Variants in DUSP22 observed in about 807,000 individuals in gnomAD.
The protein encoded by DUSP22 is dual specificity protein phosphatase 22.
DUSP22 carries 24 observed loss-of-function variants against 24.5 expected under a neutral mutation model. The ratio of observed to expected loss-of-function variants is 0.98; its 90% confidence interval spans 0.71 to 1.38. The LOEUF (loss-of-function observed/expected upper bound fraction) is 1.38, where lower values mean the gene tolerates loss of function less well. DUSP22 is among the 40% of genes most tolerant of loss of function. DUSP22 has a pLI of 0.00. For missense variants in DUSP22, 330 were observed against 269.2 expected, an observed-to-expected ratio of 1.23 and a Z score of -1.58; for synonymous variants, 160 against 106.4, an observed-to-expected ratio of 1.50 and a Z score of -3.10.
At chr6:340,431 C>T (rs188294707) in intron 4 of DUSP22, among the ~76,000 whole-genome samples, 389 of 152,260 alleles carry the variant, frequency 2.6e-3, no homozygotes, top group Non-Finnish European at 4.0e-3. Context: ...CAGATTTCTG[C>T]CCGAAGAGGA....
At chr6:302,621 G>T (rs1194142968) in intron 1 of DUSP22, among the ~76,000 whole-genome samples, 1 of 152,306 alleles carries the variant, frequency 6.6e-6, no homozygotes, top group African/African-American at 2.4e-5. Flanking sequence ...GCCCGGCATT[G>T]TGCCTGAGGA....
intron 2 of DUSP22, among the ~76,000 whole-genome samples, chr6:309,308 G>A (rs1175108885): frequency 1.3e-5 from 2 of 152,302 alleles, no homozygotes; most frequent in Non-Finnish European, 2.9e-5. Flanking sequence ...AAGGGCTCAT[G>A]TTCCTCGTAT....
chr6:295,660 T>C (rs1334658067), intron 1 of DUSP22, among the ~76,000 whole-genome samples: 10 of 152,024 alleles, frequency 6.6e-5, no homozygotes, highest in African/African-American at 1.9e-4. Flanking sequence ...CAGCCGAGTG[T>C]GTGGTGGCTT....
intron 3 of DUSP22, among the ~76,000 whole-genome samples, chr6:325,008 G>A (rs1486112842): frequency 1.3e-5 from 2 of 152,312 alleles, no homozygotes; most frequent in African/African-American, 4.8e-5. Flanking sequence ...GGCTCAGGGA[G>A]ATAGGTACAG....
chr6:315,703 C>G (rs1019945724), intron 3 of DUSP22, among the ~76,000 whole-genome samples: 2 of 152,304 alleles, frequency 1.3e-5, no homozygotes, highest in African/African-American at 4.8e-5. Flanking sequence ...TGCAAATACC[C>G]TCTTCACACA....
At chr6:330,538 G>T (rs1469607107) in intron 3 of DUSP22, among the ~76,000 whole-genome samples, 1 of 152,296 alleles carries the variant, frequency 6.6e-6, no homozygotes, top group Non-Finnish European at 1.5e-5. Context: ...CAGAACCTTG[G>T]CCCTGCTTTT....
chr6:327,665 G>A (rs1299801453), intron 3 of DUSP22, among the ~76,000 whole-genome samples: 4 of 152,300 alleles, frequency 2.6e-5, no homozygotes, highest in Admixed American at 6.5e-5. Context: ...GGGGCCCAGC[G>A]TGGGGCTGAA....
chr6:293,388 G>A (rs1291316277), intron 1 of DUSP22, among the ~76,000 whole-genome samples: 2 of 152,286 alleles, frequency 1.3e-5, no homozygotes, highest in African/African-American at 4.8e-5. Flanking sequence ...TACTTGGCTG[G>A]TTTCGAGGAA....
intron 4 of DUSP22, among the ~76,000 whole-genome samples, chr6:338,608 C>T (rs1255149725): frequency 1.3e-5 from 2 of 152,292 alleles, no homozygotes; most frequent in Non-Finnish European, 2.9e-5. Context: ...CTGTGTTCTG[C>T]AGGACCTAAA....
At chr6:321,556 A>T (rs1334241410) in intron 3 of DUSP22, among the ~76,000 whole-genome samples, 1 of 152,304 alleles carries the variant, frequency 6.6e-6, no homozygotes, top group African/African-American at 2.4e-5. Context: ...GTCAGATTTG[A>T]TCTGAAAATC....
At chr6:338,852 G>A (rs1282319377) in intron 4 of DUSP22, among the ~76,000 whole-genome samples, 1 of 152,308 alleles carries the variant, frequency 6.6e-6, no homozygotes, top group Non-Finnish European at 1.5e-5. Context: ...AGTAAGAGAT[G>A]TGTGACCTTT....
In DUSP22 at chr6:350,593, C is replaced by T. The variant is rs58554953; in HGVS notation, c.*1642C>T. On this transcript the variant is annotated 3_prime_UTR_variant, in exon 7 of 7. Transcript: ENST00000419235. ...GGTGCACAGGCCCCGGATGTACACCCGGAAAGGGGAGTGTGGCTGTAGAAT... is the reference window on the plus strand; with the variant it reads ...GGTGCACAGGCCCCGGATGTACACCTGGAAAGGGGAGTGTGGCTGTAGAAT... 192 of 1,426,188 alleles carry T rather than the reference C, an allele frequency of 1.3e-4. No individual in the cohort carries two copies. Among genetic ancestry groups the T allele is most frequent in the Middle Eastern group, 2.4e-4 (1 of 4,102 alleles). 88.3% of individuals were successfully genotyped at this position (1,426,188 alleles called of 1,614,324 possible).
intron 4 of DUSP22, among the ~76,000 whole-genome samples, chr6:344,262 C>T (rs557127121): frequency 1.8e-4 from 28 of 152,406 alleles, no homozygotes; most frequent in South Asian, 1.2e-3. Context: ...TTAAGGCACG[C>T]GTCATCATTT....
At chr6:336,217 G>A (rs1207668873) in intron 4 of DUSP22, among the ~76,000 whole-genome samples, 2 of 152,306 alleles carry the variant, frequency 1.3e-5, no homozygotes, top group Admixed American at 6.5e-5. Context: ...CTGATTCTCA[G>A]GTTGGCCCAG....
At chr6:293,509 T>G (rs901079632) in intron 1 of DUSP22, among the ~76,000 whole-genome samples, 1 of 152,050 alleles carries the variant, frequency 6.6e-6, no homozygotes, top group African/African-American at 2.4e-5. Context: ...TTCATTGCGC[T>G]CCACCCACCC....
At chr6:314,947 C>T (rs1406675547) in intron 3 of DUSP22, among the ~76,000 whole-genome samples, 2 of 152,302 alleles carry the variant, frequency 1.3e-5, no homozygotes, top group East Asian at 3.8e-4. Context: ...TGTACTCTTC[C>T]TAGCAGCCTG....
At chr6:308,716 T>C (rs1757936753) in intron 2 of DUSP22, among the ~76,000 whole-genome samples, 1 of 152,426 alleles carries the variant, frequency 6.6e-6, no homozygotes, top group Middle Eastern at 3.4e-3. Flanking sequence ...TTGTGGCTAT[T>C]GTGCAGCCTT....
chr6:321,306 T>G (rs1327669139), intron 3 of DUSP22, among the ~76,000 whole-genome samples: 6 of 152,258 alleles, frequency 3.9e-5, no homozygotes, highest in Non-Finnish European at 7.3e-5. Flanking sequence ...AAAGACATTG[T>G]TTGTTAAGCT....
intron 3 of DUSP22, among the ~76,000 whole-genome samples, chr6:313,125 C>T (rs1249350743): frequency 6.6e-6 from 1 of 152,300 alleles, no homozygotes; most frequent in Non-Finnish European, 1.5e-5. Flanking sequence ...ATTTAAAATA[C>T]AGCCAAGCTA....
Sources: gnomAD v4.1 joint callset for allele counts (sites outside exome capture counted in the v4.1 genomes callset) on GRCh38, gnomAD v4.1.1 for gene constraint, MANE v1.5 for transcripts, NCBI Gene and HGNC (gene_info 2026-07-23, HGNC 2026-07-21) for gene names.